Variants in SGCZ observed in about 807,000 individuals in gnomAD.
The protein encoded by SGCZ is zeta-sarcoglycan.
SGCZ carries 40 observed loss-of-function variants against 41.3 expected under a neutral mutation model. The ratio of observed to expected loss-of-function variants is 0.97; its 90% CI spans 0.75 to 1.26. The LOEUF is 1.26. Among genes scored for constraint, SGCZ ranks in the 50% most tolerant of loss-of-function variants. The pLI, the probability that SGCZ is intolerant of heterozygous loss-of-function variation, is 0.00. For synonymous variants in SGCZ, 206 were observed against 137.5 expected (o/e 1.50, Z -3.49); for missense variants, 552 against 369.8 (o/e 1.49, Z -4.04).
In SGCZ at chr8:14,164,583, T is replaced by C; in HGVS notation, c.544A>G (p.Thr182Ala). 6.2e-7 allele frequency: 1 copy of C among 1,613,372 alleles called. No homozygotes were observed. Among genetic ancestry groups the C allele is most frequent in the Non-Finnish European group, 8.5e-7 (1 of 1,179,528 alleles). ...ITIGAEKLKV[T>A]GTEGAVFGHS... ...TCAAGACCTCCATCTACAGTACCTG[T>C]AACTTTCAGCTTTTCAGCCCCAATG... Residue 182 changes from threonine (T) to alanine (A), a missense_variant, in exon 5 of 8, where the codon ACA (threonine) becomes GCA (alanine). Thr to Ala is a moderately conservative substitution (Grantham distance 58). Coordinates refer to ENST00000382080, the MANE Select transcript of SGCZ (RefSeq NM_139167.4).
intron 2 of SGCZ, among the ~76,000 whole-genome samples, chr8:14,543,545 C>T (rs1050806629): frequency 6.6e-6 from 1 of 151,970 alleles, no homozygotes; most frequent in African/African-American, 2.4e-5. Flanking sequence ...GTAAAGAGAC[C>T]AAATCTCCTT....
intron 1 of SGCZ, among the ~76,000 whole-genome samples, chr8:14,844,231 G>A (rs4515547): frequency 0.092 from 14,012 of 151,984 alleles, 900 homozygotes; most frequent in Non-Finnish European, 0.13. Flanking sequence ...AAGCATATAA[G>A]TGCTATCTAG....
chr8:15,067,345 A>G (rs1805189896), intron 1 of SGCZ, among the ~76,000 whole-genome samples: 1 of 152,184 alleles, frequency 6.6e-6, no homozygotes, highest in Non-Finnish European at 1.5e-5. Context: ...CAATTGGTCT[A>G]AAAAGCCATG....
intron 2 of SGCZ, among the ~76,000 whole-genome samples, chr8:14,428,638 T>G (rs1377416621): frequency 6.6e-6 from 1 of 152,182 alleles, no homozygotes; most frequent in Non-Finnish European, 1.5e-5. Flanking sequence ...AAAGAAATAC[T>G]GTGTTCAGCT....
chr8:14,559,776 C>T (rs557433873), intron 1 of SGCZ, among the ~76,000 whole-genome samples: 16 of 152,042 alleles, frequency 1.1e-4, no homozygotes, highest in South Asian at 1.0e-3. Context: ...GAATTGGAAA[C>T]GCTGATAACG....
chr8:14,413,092 T>C (rs539963204), intron 2 of SGCZ, among the ~76,000 whole-genome samples: 36 of 152,156 alleles, frequency 2.4e-4, no homozygotes, highest in African/African-American at 7.2e-4. Context: ...ATTAAAAAAA[T>C]TGACCAAGTT....
At chr8:14,231,497 G>A (rs929514268) in intron 4 of SGCZ, among the ~76,000 whole-genome samples, 5 of 151,916 alleles carry the variant, frequency 3.3e-5, no homozygotes, top group African/African-American at 7.3e-5. Context: ...GTCCAATTAT[G>A]CATAATTTAA....
chr8:14,554,195 G>T (rs1803959893), intron 2 of SGCZ, among the ~76,000 whole-genome samples: 2 of 152,032 alleles, frequency 1.3e-5, no homozygotes, highest in South Asian at 4.1e-4. Flanking sequence ...TGCTATGAAA[G>T]AATGGGATCA....
rs1198018288 is a variant in SGCZ, at chr8:14,217,573, T to A, written c.424+20019A>T. Among the ~76,000 whole-genome samples, 4 of 89,614 alleles carry A rather than the reference T, an allele frequency of 4.5e-5. No homozygotes were observed. In the Admixed American group the frequency reaches 4.5e-4, roughly 10 times the overall value. 58.8% of individuals were successfully genotyped at this position (89,614 alleles called of 152,430 possible). The stretch of plus-strand genomic sequence containing the variant: ...TCACCTCATAAACAAAAAAAGCACA[T>A]GATGATTTTGAGAGATGAAGCAAAA... On this transcript the variant is annotated intron_variant, in intron 4 of 7. Coordinates refer to ENST00000382080, the MANE Select transcript of SGCZ (RefSeq NM_139167.4).
At position 15,171,642 on chromosome 8, in the gene SGCZ, T is replaced by A. The variant is rs146122950; in HGVS notation, c.39+65943A>T. Among the ~76,000 whole-genome samples the A allele has an allele frequency of 4.0e-3, 607 of 152,350 alleles. 2 individuals are homozygous for A. Among genetic ancestry groups the A allele is most frequent in the South Asian group, 0.012 (56 of 4,828 alleles). ...TCCTATGAATTAGAAGTTCTTCTGA[T>A]TTCACTTTGGATAATTTTTGCCTCT... On this transcript the variant is annotated intron_variant, in intron 1 of 7. Coordinates refer to ENST00000382080, the MANE Select transcript of SGCZ (RefSeq NM_139167.4).
At chr8:14,493,926 C>G (rs1801916610) in intron 2 of SGCZ, among the ~76,000 whole-genome samples, 2 of 152,094 alleles carry the variant, frequency 1.3e-5, no homozygotes, top group South Asian at 2.1e-4. Flanking sequence ...GATACAATTA[C>G]TAATTCAGTA....
intron 1 of SGCZ, among the ~76,000 whole-genome samples, chr8:14,891,536 A>G (rs968218019): frequency 6.6e-6 from 1 of 152,250 alleles, no homozygotes; most frequent in Non-Finnish European, 1.5e-5. Flanking sequence ...AGAAAGTGGT[A>G]TCTAGGCATA....
intron 5 of SGCZ, among the ~76,000 whole-genome samples, chr8:14,121,878 A>T (rs1439574130): frequency 3.9e-5 from 6 of 152,222 alleles, no homozygotes; most frequent in African/African-American, 7.2e-5. Flanking sequence ...TAGGTTTTTT[A>T]AAAATTTTTT....
chr8:14,568,386 A>G (rs1804445493), intron 1 of SGCZ, among the ~76,000 whole-genome samples: 1 of 151,046 alleles, frequency 6.6e-6, no homozygotes, highest in South Asian at 2.1e-4. Flanking sequence ...GTATCCCAGA[A>G]CTTAAATTTA....
At chr8:14,821,017 A>C (rs1489201515) in intron 1 of SGCZ, among the ~76,000 whole-genome samples, 2 of 152,074 alleles carry the variant, frequency 1.3e-5, no homozygotes, top group East Asian at 3.9e-4. Context: ...CGATTCAAAA[A>C]ATGAAAAGAT....
intron 1 of SGCZ, among the ~76,000 whole-genome samples, chr8:14,715,055 T>C (rs1809644063): frequency 1.3e-5 from 2 of 152,144 alleles, no homozygotes; most frequent in African/African-American, 4.8e-5. Flanking sequence ...TTTAAAAATA[T>C]ATATTCTTCA....
At chr8:14,738,221 T>C (rs2130266623) in intron 1 of SGCZ, among the ~76,000 whole-genome samples, 1 of 152,164 alleles carries the variant, frequency 6.6e-6, no homozygotes, top group Middle Eastern at 3.4e-3. Flanking sequence ...TTATCTTCTT[T>C]CTAAGGGGGA....
At chr8:15,170,354 C>T (rs1799790566) in intron 1 of SGCZ, among the ~76,000 whole-genome samples, 1 of 152,150 alleles carries the variant, frequency 6.6e-6, no homozygotes, top group Non-Finnish European at 1.5e-5. Flanking sequence ...ACTTCCTCTT[C>T]CCCAAAGATA....
chr8:14,439,456 C>T (rs1800185294), intron 2 of SGCZ, among the ~76,000 whole-genome samples: 1 of 151,262 alleles, frequency 6.6e-6, no homozygotes, highest in Non-Finnish European at 1.5e-5. Context: ...TACTCAGATG[C>T]CAAAATCAGA....
Sources: gnomAD v4.1 joint callset for allele counts (sites outside exome capture counted in the v4.1 genomes callset) on GRCh38, gnomAD v4.1.1 for gene constraint, MANE v1.5 for transcripts, NCBI Gene and HGNC (gene_info 2026-07-23, HGNC 2026-07-21) for gene names.